LTBP2: variants seen among roughly 807,000 people sequenced by gnomAD.
LTBP2 encodes latent transforming growth factor beta binding protein 2.
Under a neutral mutation model 210.6 loss-of-function variants are expected in LTBP2, and 103 were observed. The observed-to-expected ratio is 0.49, with a 90% CI of 0.42 to 0.58. LTBP2 has a LOEUF of 0.58. Among genes scored for constraint, LTBP2 ranks in the 20% least tolerant of loss-of-function variants. The probability of loss-of-function intolerance (pLI) is 0.00; values close to 1 mark genes in which losing one functional copy is unlikely to be tolerated. For missense variants in LTBP2, 2,313 were observed against 2,494.5 expected (o/e 0.93, Z 1.55); for synonymous variants, 1,007 against 1,015.0 (o/e 0.99, Z 0.15).
chr14:74,502,927 A>G lies in LTBP2; in HGVS notation c.4896T>C (p.Tyr1632=). 6.2e-7 allele frequency: 1 copy of G among 1,611,854 alleles called. No homozygotes were observed. The highest frequency in any genetic ancestry group is 8.5e-7 in the Non-Finnish European group (1 of 1,179,928). ...ALCPPRSSEV[Y]AQLCNVARIE... ...TGCGAGCCACGTTGCACAGCTGAGC[A>G]TAGACCTCTGTCAGGGAGGAGGGAG... Residue 1632 remains tyrosine, a synonymous_variant, in exon 34 of 36, where the codon TAT becomes TAC. Transcript: ENST00000261978.
intron 5 of LTBP2, 164 bp from the exon 6 acceptor site, chr14:74,552,557 A>C (rs1322235650): frequency 2.8e-6 from 2 of 717,488 alleles, no homozygotes; most frequent in South Asian, 1.6e-5. Flanking sequence ...ATTCATGTAG[A>C]GTGAAGAAGA....
intron 8 of LTBP2, among the ~76,000 whole-genome samples, chr14:74,544,882 C>T (rs142277099): frequency 3.3e-5 from 5 of 152,220 alleles, no homozygotes; most frequent in Non-Finnish European, 5.9e-5. Context: ...AGTTTCAAGT[C>T]GAGCTCTGGT....
Position 74,506,742 on chromosome 14 carries a change from C to T in LTBP2, c.3989G>A (p.Cys1330Tyr), listed in dbSNP as rs1318393607. The T allele has an allele frequency of 2.5e-6, 4 of 1,614,004 alleles. No homozygotes were observed. The South Asian group carries it at 4.4e-5, about 18-fold the overall frequency. ...DNTDGSFRCL[C>Y]DQGFEISPSG... ...GGGAGAGATCTCGAAGCCCTGGTCA[C>T]AGAGGCAGCGGAAGGAGCCATCAGT... The change falls in exon 27 of 36, where the codon TGT becomes TAT. Residue 1330 changes from cysteine to tyrosine, a missense_variant. Around this residue, in one of 3 missense-constraint regions of LTBP2, gnomAD observed 1,867 missense variants for 1,976.9 expected, o/e 0.94. Transcript: ENST00000261978.
At chr14:74,556,043 A>G (rs1382611709) in intron 3 of LTBP2, among the ~76,000 whole-genome samples, 3 of 152,146 alleles carry the variant, frequency 2.0e-5, no homozygotes, top group African/African-American at 7.2e-5. Flanking sequence ...AGTCTTTGAG[A>G]ACCCACTATG....
At chr14:74,591,195 G>A (rs2088278934) in intron 2 of LTBP2, among the ~76,000 whole-genome samples, 1 of 152,176 alleles carries the variant, frequency 6.6e-6, no homozygotes, top group Non-Finnish European at 1.5e-5. Context: ...AACAAGACTG[G>A]GCCCTGCAGA....
chr14:74,551,416 A>G, intron 6 of LTBP2, 66 bp from the exon 7 acceptor site: 1 of 1,447,934 alleles, frequency 6.9e-7, no homozygotes, highest in African/African-American at 1.4e-5. Context: ...AACCCTCTGA[A>G]GGGTATCCAC....
Position 74,511,493 on chromosome 14 carries a change from A to G in LTBP2, c.2909-129T>C, listed in dbSNP as rs1421143511. On this transcript the variant is annotated intron_variant, in intron 18 of 35. Transcript: ENST00000261978. ...ATGGACAGAGGGAAACTAGGAAAGA[A>G]TGAGAGCTGCCCTGTGTTCCCAACT... 3 of 1,183,678 alleles carry G rather than the reference A, an allele frequency of 2.5e-6. No homozygotes were observed. In the South Asian group the frequency reaches 3.7e-5, roughly 15 times the overall value. The allele number at this position is 1,183,678 out of a possible 1,614,324, so 73.3% of individuals were successfully genotyped here.
intron 2 of LTBP2, among the ~76,000 whole-genome samples, chr14:74,595,251 G>A (rs1449761017): frequency 6.6e-6 from 1 of 152,232 alleles, no homozygotes; most frequent in East Asian, 1.9e-4. Context: ...CTGCAACACT[G>A]GGCCAGGTCA....
rs774992293 is a variant in LTBP2 at position 74,555,555 on chromosome 14, C to T, written c.969G>A (p.Gln323=). 2 of 1,612,920 alleles carry T rather than the reference C, an allele frequency of 1.2e-6. No individual in the cohort carries two copies. The highest frequency in any genetic ancestry group is 4.5e-5 in the East Asian group (2 of 44,872). Residue 323 remains glutamine (Q), a synonymous_variant, in exon 4 of 36, where the codon CAG becomes CAA. Transcript: ENST00000261978. ...NALPPGPGLE[Q]RDGTQQAVPL... is the part of the protein sequence containing the mutation. ...GTACCGCCTGTTGGGTGCCATCTCT[C>T]TGCTCAAGGCCTGGTCCCGGGGGCA...
chr14:74,528,768 C>T lies in LTBP2; in HGVS notation c.2153-70G>A, dbSNP rs1595255623. ...TGCAGGAAACCAGGGCCTTCCTTTC[C>T]CTCCCTTTGGGAGACACGGCAATTG... On this transcript the variant is annotated intron_variant, in intron 11 of 35. Coordinates refer to ENST00000261978, the MANE Select transcript of LTBP2 (RefSeq NM_000428.3). 10 of 1,576,632 alleles carry T rather than the reference C, an allele frequency of 6.3e-6. No individual in the cohort carries two copies. In the East Asian group the frequency reaches 2.2e-4, roughly 35 times the overall value.
chr14:74,566,811 A>G (rs1156580568), intron 3 of LTBP2, among the ~76,000 whole-genome samples: 1 of 151,888 alleles, frequency 6.6e-6, no homozygotes, highest in East Asian at 1.9e-4. Context: ...GCACCCACCC[A>G]ACCTCTTTGC....
intron 1 of LTBP2, among the ~76,000 whole-genome samples, chr14:74,607,035 A>G (rs976826044): frequency 6.6e-6 from 1 of 152,252 alleles, no homozygotes; most frequent in Middle Eastern, 3.4e-3. Flanking sequence ...ACAGTGCCCA[A>G]CATGTGGTAT....
intron 8 of LTBP2, among the ~76,000 whole-genome samples, chr14:74,546,473 C>T (rs1372402987): frequency 1.3e-5 from 2 of 152,202 alleles, no homozygotes; most frequent in Non-Finnish European, 2.9e-5. Context: ...CTATACAACG[C>T]CCAACTGCAC....
chr14:74,554,635 G>C (rs1297553069), intron 4 of LTBP2, among the ~76,000 whole-genome samples: 1 of 152,242 alleles, frequency 6.6e-6, no homozygotes, highest in Non-Finnish European at 1.5e-5. Context: ...AAATAGGTGA[G>C]TGGTTGCCAG....
intron 1 of LTBP2, among the ~76,000 whole-genome samples, chr14:74,611,013 C>T (rs2088597969): frequency 6.6e-6 from 1 of 152,222 alleles, no homozygotes; most frequent in African/African-American, 2.4e-5. Context: ...CCATGGGGCC[C>T]CCGACACCTC....
intron 2 of LTBP2, among the ~76,000 whole-genome samples, chr14:74,602,656 T>C (rs894964686): frequency 1.3e-5 from 2 of 152,230 alleles, no homozygotes; most frequent in African/African-American, 2.4e-5. Flanking sequence ...GCTATGAAGG[T>C]ACTGGCTCTT....
chr14:74,510,247 C>G (rs1293329379), intron 19 of LTBP2, 34 bp from the exon 20 acceptor site: 1 of 1,610,566 alleles, frequency 6.2e-7, no homozygotes, highest in African/African-American at 1.3e-5. Context: ...GTGGGCTGGC[C>G]TCCTCCCCAT....
intron 10 of LTBP2, 26 bp from the exon 11 acceptor site, chr14:74,529,148 T>C: frequency 6.4e-7 from 1 of 1,550,770 alleles, no homozygotes; most frequent in Non-Finnish European, 8.7e-7. Context: ...CACGTGGAGG[T>C]GGGCAGGTGG....
At chr14:74,596,374 G>A (rs2088364359) in intron 2 of LTBP2, among the ~76,000 whole-genome samples, 1 of 152,186 alleles carries the variant, frequency 6.6e-6, no homozygotes, top group African/African-American at 2.4e-5. Context: ...TCAAGCAAGA[G>A]TGGCCAGGGC....
Sources: gnomAD v4.1 joint callset for allele counts (sites outside exome capture counted in the v4.1 genomes callset) on GRCh38, gnomAD v4.1.1 for gene constraint, gnomAD v4.1.1 regional missense constraint, MANE v1.5 for transcripts, NCBI Gene and HGNC (gene_info 2026-07-23, HGNC 2026-07-21) for gene names.